Variants in PHF21A observed in about 807,000 individuals in gnomAD.
PHF21A encodes the protein BHC80a.
A neutral mutation model predicts 82.5 loss-of-function variants in PHF21A; 11 were observed. The ratio of observed to expected loss-of-function variants is 0.13; its 90% CI spans 0.08 to 0.22. PHF21A has a LOEUF of 0.22. PHF21A is among the 10% of genes least tolerant of loss of function. The pLI, the probability that PHF21A is intolerant of heterozygous loss-of-function variation, is 1.00. For missense variants in PHF21A, 579 were observed against 837.8 expected (o/e 0.69, Z 3.81); for synonymous variants, 297 against 302.8 (o/e 0.98, Z 0.20).
chr11:46,014,255 A>G (rs765236363), intron 6 of PHF21A, among the ~76,000 whole-genome samples: 1 of 152,232 alleles, frequency 6.6e-6, no homozygotes, highest in Non-Finnish European at 1.5e-5. Flanking sequence ...ATAAATGAGA[A>G]CATATAATAT....
intron 6 of PHF21A, among the ~76,000 whole-genome samples, chr11:46,070,955 G>A (rs1055327920): frequency 6.6e-6 from 1 of 152,108 alleles, no homozygotes; most frequent in South Asian, 2.1e-4. Flanking sequence ...TGCTATTAAT[G>A]TGATATAGCC....
chr11:46,046,541 C>CT (rs2138986998), intron 6 of PHF21A, among the ~76,000 whole-genome samples: 1 of 152,274 alleles, frequency 6.6e-6, no homozygotes, highest in South Asian at 2.1e-4. Context: ...CTTCACTCTG[C>CT]TTTTTTAATG....
Position 45,945,922 on chromosome 11 carries a change from G to A in PHF21A, c.1370C>T (p.Pro457Leu), listed in dbSNP as rs2091219945. The stretch of plus-strand genomic sequence containing the variant: ...TGTGGTCTCTGTCTTTTCATTTTCA[G>A]GGGAGTCAGGATGACTGGATTGGGG... Reference protein sequence around the residue: ...TSPQSSHPDSPENEKTETTFT... With the variant: ...TSPQSSHPDSLENEKTETTFT... The change falls in exon 15 of 19, where the codon CCT (proline) becomes CTT (leucine). Residue 457 changes from proline to leucine, a missense_variant. Pro to Leu is a moderately conservative substitution (Grantham distance 98). Coordinates refer to ENST00000676320, the MANE Select transcript of PHF21A (RefSeq NM_001352027.3). 6.2e-7 allele frequency: 1 copy of A among 1,612,850 alleles called. No individual in the cohort carries two copies. Among genetic ancestry groups the A allele is most frequent in the African/African-American group, 1.3e-5 (1 of 74,770 alleles).
rs1005694239 is a variant in PHF21A at position 45,930,821 on chromosome 11, G to A, written c.*3147C>T. 1 of 152,460 alleles carries A rather than the reference G, an allele frequency of 6.6e-6. No homozygotes were observed. The highest frequency in any genetic ancestry group is 1.5e-5 in the Non-Finnish European group (1 of 68,300). The allele number at this position is 152,460 out of a possible 1,614,324, so 9.4% of individuals were successfully genotyped here. On this transcript the variant is annotated 3_prime_UTR_variant, in exon 19 of 19. Coordinates refer to ENST00000676320, the MANE Select transcript of PHF21A (RefSeq NM_001352027.3). Reference sequence around the variant, plus strand: ...AGCTAAATTCTGGGCCGTGGGGAAAGAGCAGCGGAGGGAAGGAGGAGGAAG... The same window carrying A: ...AGCTAAATTCTGGGCCGTGGGGAAAAAGCAGCGGAGGGAAGGAGGAGGAAG...
intron 1 of PHF21A, among the ~76,000 whole-genome samples, chr11:46,100,915 C>A (rs1311767157): frequency 6.6e-6 from 1 of 152,168 alleles, no homozygotes. Flanking sequence ...GTCAAAAGTC[C>A]CTCCTTGACA....
intron 1 of PHF21A, among the ~76,000 whole-genome samples, chr11:46,114,767 C>A (rs1177319915): frequency 6.6e-6 from 1 of 152,142 alleles, no homozygotes; most frequent in African/African-American, 2.4e-5. Context: ...TTTGGAGATG[C>A]ACATGGTTAA....
At chr11:46,054,089 T>C (rs1272828687) in intron 6 of PHF21A, among the ~76,000 whole-genome samples, 2 of 152,166 alleles carry the variant, frequency 1.3e-5, no homozygotes, top group Non-Finnish European at 1.5e-5. Flanking sequence ...AAATAAAATA[T>C]GTGATGCTTT....
chr11:46,082,409 C>A (rs973314107), intron 4 of PHF21A, among the ~76,000 whole-genome samples: 1 of 152,100 alleles, frequency 6.6e-6, no homozygotes, highest in Non-Finnish European at 1.5e-5. Context: ...GATCAACAAT[C>A]GTGTAGGTGA....
chr11:45,992,518 C>T (rs963726841), intron 6 of PHF21A, among the ~76,000 whole-genome samples: 1 of 152,136 alleles, frequency 6.6e-6, no homozygotes, highest in East Asian at 1.9e-4. Context: ...CCAGCCTGAG[C>T]GCTGGGTGAC....
chr11:46,054,690 A>C (rs764508240), intron 6 of PHF21A, among the ~76,000 whole-genome samples: 1 of 152,182 alleles, frequency 6.6e-6, no homozygotes, highest in Non-Finnish European at 1.5e-5. Flanking sequence ...TACTCTCACT[A>C]ATATGCCACT....
At chr11:45,955,962 T>A (rs2092605294) in intron 10 of PHF21A, among the ~76,000 whole-genome samples, 1 of 152,222 alleles carries the variant, frequency 6.6e-6, no homozygotes. Flanking sequence ...ACTGTAAACT[T>A]GTGAAGGACT....
chr11:46,080,725 T>C (rs538051706), intron 4 of PHF21A, among the ~76,000 whole-genome samples: 3 of 152,296 alleles, frequency 2.0e-5, no homozygotes, highest in South Asian at 4.1e-4. Context: ...TGGAGTGCAG[T>C]GGCACAATCA....
In PHF21A at chr11:45,934,043, G is replaced by A. The variant is rs765913676; in HGVS notation, c.1971C>T (p.Ala657=). ...GPDCTPPANA[A]TSTPAPSPSS... ...AGGGGGAAGGGGCCGGCGTGGAGGT[G>A]GCGGCATTGGCAGGGGGGGTGCAGT... The change falls in exon 19 of 19, where the codon GCC becomes GCT. Residue 657 remains alanine (A), a synonymous_variant. Transcript: ENST00000676320. The A allele has an allele frequency of 1.2e-6, 2 of 1,613,586 alleles. No individual in the cohort carries two copies. The highest frequency in any genetic ancestry group is 1.7e-6 in the Non-Finnish European group (2 of 1,179,698).
chr11:45,975,808 G>A (rs774297096), intron 7 of PHF21A, among the ~76,000 whole-genome samples: 6 of 151,928 alleles, frequency 3.9e-5, no homozygotes, highest in East Asian at 3.8e-4. Flanking sequence ...CTTTCTCTAC[G>A]CCTTGGTATA....
intron 1 of PHF21A, chr11:46,118,039 C>T (rs1269797854): frequency 1.3e-5 from 2 of 152,196 alleles, no homozygotes; most frequent in East Asian, 1.9e-4. Context: ...TGCTGTAGCA[C>T]CTCCTGCTGG....
intron 10 of PHF21A, among the ~76,000 whole-genome samples, chr11:45,962,872 G>A (rs1450562587): frequency 2.6e-5 from 4 of 151,690 alleles, no homozygotes; most frequent in South Asian, 2.1e-4. Context: ...CAGCCTGGGC[G>A]ACAGAGCGAG....
chr11:46,046,730 A>G (rs2096263943), intron 6 of PHF21A, among the ~76,000 whole-genome samples: 1 of 152,154 alleles, frequency 6.6e-6, no homozygotes, highest in Non-Finnish European at 1.5e-5. Flanking sequence ...ATGGCAAATG[A>G]GCTTTCTACA....
intron 15 of PHF21A, among the ~76,000 whole-genome samples, chr11:45,938,625 A>G (rs1450088401): frequency 6.6e-6 from 1 of 152,196 alleles, no homozygotes; most frequent in African/African-American, 2.4e-5. Context: ...CCCACAATAA[A>G]GTTTAATTTA....
intron 1 of PHF21A, among the ~76,000 whole-genome samples, chr11:46,111,658 T>C (rs919902431): frequency 6.6e-6 from 1 of 152,156 alleles, no homozygotes; most frequent in African/African-American, 2.4e-5. Flanking sequence ...GACATATACA[T>C]TGCAGCTTAC....
Sources: allele counts gnomAD v4.1 joint callset (sites outside exome capture counted in the v4.1 genomes callset), GRCh38; gene constraint gnomAD v4.1.1; transcripts MANE v1.5; gene names NCBI Gene and HGNC (gene_info 2026-07-23, HGNC 2026-07-21).